The following SLC15A2 variants were observed in gnomAD, a reference collection of about 807,000 sequenced individuals.
SLC15A2 encodes solute carrier family 15 member 2.
Under a neutral mutation model 95.5 loss-of-function variants are expected in SLC15A2, and 77 were observed. The ratio of observed to expected loss-of-function variants is 0.81; its 90% confidence interval spans 0.67 to 0.97. SLC15A2 has a LOEUF of 0.97. Ranked by LOEUF, SLC15A2 falls within the 50% of genes least tolerant of loss-of-function variation. The pLI is 0.00. For missense variants in SLC15A2, 893 were observed against 874.4 expected, an observed-to-expected ratio of 1.02 and a Z score of -0.27; for synonymous variants, 306 against 306.9, an observed-to-expected ratio of 1.00 and a Z score of 0.03.
At chr3:121,912,977 C>T (rs1709804005) in intron 4 of SLC15A2, 44 bp from the exon 5 acceptor site, 1 of 1,375,776 alleles carries the variant, frequency 7.3e-7, no homozygotes, top group Non-Finnish European at 1.0e-6. Flanking sequence ...TCTACAGGTG[C>T]ATTTAGTATC....
chr3:121,912,961 T>G, intron 4 of SLC15A2, 60 bp from the exon 5 acceptor site: 1 of 1,194,356 alleles, frequency 8.4e-7, no homozygotes, highest in Non-Finnish European at 1.2e-6. Context: ...AGCTCTGTAG[T>G]CCATCTCTAC....
intron 7 of SLC15A2, among the ~76,000 whole-genome samples, chr3:121,921,059 GA>G (rs1375735291): frequency 6.6e-6 from 1 of 152,156 alleles, no homozygotes; most frequent in Non-Finnish European, 1.5e-5. Context: ...AAAATAAAAG[GA>G]AAATTAAAGA....
intron 3 of SLC15A2, among the ~76,000 whole-genome samples, chr3:121,898,849 G>A (rs912290752): frequency 6.6e-6 from 1 of 152,072 alleles, no homozygotes; most frequent in Non-Finnish European, 1.5e-5. Context: ...TACTTTGGCC[G>A]ATATATGTTC....
chr3:121,917,319 A>G (rs1001861482), intron 7 of SLC15A2, among the ~76,000 whole-genome samples: 1 of 152,222 alleles, frequency 6.6e-6, no homozygotes, highest in Non-Finnish European at 1.5e-5. Flanking sequence ...TATGATCAGT[A>G]TTTCCCAGAT....
chr3:121,906,258 A>T (rs979338146), intron 3 of SLC15A2, among the ~76,000 whole-genome samples: 2 of 152,184 alleles, frequency 1.3e-5, no homozygotes, highest in Admixed American at 1.3e-4. Context: ...GTGTCTCTGC[A>T]CATGAGATGG....
chr3:121,927,685 T>C, intron 13 of SLC15A2, 73 bp from the exon 14 acceptor site: 3 of 1,085,402 alleles, frequency 2.8e-6, no homozygotes, highest in Non-Finnish European at 4.3e-6. Context: ...TCTTTAATAA[T>C]AGGCTACAGA....
Position 121,929,016 on chromosome 3 carries a change from CAA to C in SLC15A2, c.1380_1381del (p.Ser461ProfsTer17). The C allele has an allele frequency of 6.2e-7, 1 of 1,614,010 alleles. No homozygotes were observed. Among genetic ancestry groups the C allele is most frequent in the Non-Finnish European group, 8.5e-7 (1 of 1,179,940 alleles). Reference sequence around the variant, plus strand: ...CACTATTCCAAACTGCACCTGAAAACAAAAAGCCAGGATTTTCACTTCCACCT... The same window carrying C: ...CACTATTCCAAACTGCACCTGAAAACAAAGCCAGGATTTTCACTTCCACCT... On this transcript the variant is annotated frameshift_variant, in exon 16 of 22. Transcript: ENST00000489711. LOFTEE classifies it high-confidence loss of function.
chr3:121,939,830 G>A (rs1457072309), intron 20 of SLC15A2, among the ~76,000 whole-genome samples: 2 of 151,952 alleles, frequency 1.3e-5, no homozygotes, highest in Non-Finnish European at 2.9e-5. Flanking sequence ...CCAGGCTGGA[G>A]TGCAGTGGCG....
Position 121,939,492 on chromosome 3 carries a change from T to C in SLC15A2, c.1905T>C (p.Ser635=). The C allele has an allele frequency of 6.7e-7, 1 of 1,496,544 alleles. No individual in the cohort carries two copies. The highest frequency in any genetic ancestry group is 1.4e-5 in the South Asian group (1 of 73,142). 92.7% of individuals were successfully genotyped at this position (1,496,544 alleles called of 1,614,324 possible). A position where few individuals can be genotyped will look rare whatever the true frequency, so the allele number is the denominator to read the frequency against. The change falls in exon 20 of 22, where the codon TCT becomes TCC. Residue 635 remains serine, a synonymous_variant. Coordinates refer to ENST00000489711, the MANE Select transcript of SLC15A2 (RefSeq NM_021082.4). Reference sequence around the variant, plus strand: ...TCACAGGTCTTGAGTTTTCTTATTCTCAGGTAAGTTTTTGCAAATAGAAGG... The same window carrying C: ...TCACAGGTCTTGAGTTTTCTTATTCCCAGGTAAGTTTTTGCAAATAGAAGG... The part of the protein sequence containing the change: ...FSVTGLEFSY[S]QAPSSMKSVL...
intron 7 of SLC15A2, among the ~76,000 whole-genome samples, chr3:121,917,805 A>G (rs1709925785): frequency 6.6e-6 from 1 of 152,204 alleles, no homozygotes; most frequent in South Asian, 2.1e-4. Flanking sequence ...GCAATTAATC[A>G]ATAAAGAAAT....
intron 19 of SLC15A2, among the ~76,000 whole-genome samples, chr3:121,933,282 T>C (rs1273151247): frequency 1.3e-5 from 2 of 151,790 alleles, no homozygotes; most frequent in Non-Finnish European, 2.9e-5. Context: ...AACCCAGTAA[T>C]GGGATGGCTG....
rs1710479227 is a variant in SLC15A2, at chr3:121,942,439, A to G, written c.*1432A>G. 1 of 152,238 alleles carries G rather than the reference A, an allele frequency of 6.6e-6. No homozygotes were observed. The highest frequency in any genetic ancestry group is 1.9e-4 in the East Asian group (1 of 5,202). The allele number at this position is 152,238 out of a possible 1,614,324, so 9.4% of individuals were successfully genotyped here. A position where few individuals can be genotyped will look rare whatever the true frequency, so the allele number is the denominator to read the frequency against. Reference sequence around the variant, plus strand: ...TGTTGGGTCTCATACTGTTAATGTTAATACGTAACAATGTTCATGTTAACA... The same window carrying G: ...TGTTGGGTCTCATACTGTTAATGTTGATACGTAACAATGTTCATGTTAACA... On this transcript the variant is annotated 3_prime_UTR_variant, in exon 22 of 22. Coordinates refer to ENST00000489711, the MANE Select transcript of SLC15A2 (RefSeq NM_021082.4).
rs755833490 is a variant in SLC15A2, at chr3:121,924,319, A to G, written c.1003-32A>G. 6.2e-6 allele frequency: 10 copies of G among 1,600,122 alleles called. No homozygotes were observed. The East Asian group carries it at 1.6e-4, about 25-fold the overall frequency. The stretch of plus-strand genomic sequence containing the variant: ...ACATTTTTTTTTCTTTTCTTCAGAC[A>G]TCAACTAAATTAATTTGTTAAAATG... On this transcript the variant is annotated intron_variant, in intron 11 of 21. Transcript: ENST00000489711.
At chr3:121,939,138 A>G (rs1710410420) in intron 19 of SLC15A2, 1 of 385,458 alleles carries the variant, frequency 2.6e-6, no homozygotes, top group East Asian at 3.8e-5. Context: ...GTCTCTGTCA[A>G]TAATGATATC....
At chr3:121,921,086 C>A (rs1381258703) in intron 7 of SLC15A2, among the ~76,000 whole-genome samples, 1 of 152,102 alleles carries the variant, frequency 6.6e-6, no homozygotes, top group Non-Finnish European at 1.5e-5. Flanking sequence ...AATTCCCTTA[C>A]AATTAGCTGT....
Position 121,894,501 on chromosome 3 carries a change from T to C in SLC15A2, c.25T>C (p.Ser9Pro). The C allele has an allele frequency of 6.2e-7, 1 of 1,612,584 alleles. No individual in the cohort carries two copies. The highest frequency in any genetic ancestry group is 2.2e-5 in the East Asian group (1 of 44,700). Residue 9 changes from serine to proline, a missense_variant, in exon 1 of 22, where the codon TCC becomes CCC. Ser to Pro is a moderately conservative substitution (Grantham distance 74). Coordinates refer to ENST00000489711, the MANE Select transcript of SLC15A2 (RefSeq NM_021082.4). ...CATGAATCCTTTCCAGAAAAATGAG[T>C]CCAAGGAAACTCTTTTTTCACCTGT... MNPFQKNE[S>P]KETLFSPVSI... is the part of the protein sequence containing the mutation.
Position 121,922,871 on chromosome 3 carries a change from A to G in SLC15A2, c.867+10A>G. On this transcript the variant is annotated intron_variant, in intron 9 of 21. Transcript: ENST00000489711. ...GGCTGAGAAATATCCAGTAAGTTGG[A>G]AATGCAGAAACATCTTATGGCTTGA... 1 of 1,609,498 alleles carries G rather than the reference A, an allele frequency of 6.2e-7. No homozygotes were observed. The highest frequency in any genetic ancestry group is 1.1e-5 in the South Asian group (1 of 90,970).
At position 121,928,434 on chromosome 3, in the gene SLC15A2, C is replaced by T. The variant is rs1237317903; in HGVS notation, c.1220C>T (p.Ala407Val). 1 of 1,613,806 alleles carries T rather than the reference C, an allele frequency of 6.2e-7. No individual in the cohort carries two copies. The change falls in exon 15 of 22, where the codon GCC (alanine) becomes GTC (valine). Residue 407 changes from alanine to valine, a missense_variant. Ala to Val is a moderately conservative substitution (Grantham distance 64). Transcript: ENST00000489711. ...VEIKINEMAP[A>V]QPGPQEVFLQ... ...CTTTGCTCTAAGGAAATGGCCCCAG[C>T]CCAGCCAGGTCCCCAGGAGGTTTTC...
chr3:121,935,688 A>T (rs1418830268), intron 19 of SLC15A2, among the ~76,000 whole-genome samples: 1 of 151,692 alleles, frequency 6.6e-6, no homozygotes, highest in Admixed American at 6.6e-5. Context: ...GCAGTCTATC[A>T]ATTTTGTTGA....
Sources: gnomAD v4.1 joint callset for allele counts (sites outside exome capture counted in the v4.1 genomes callset) on GRCh38, gnomAD v4.1.1 for gene constraint, MANE v1.5 for transcripts, NCBI Gene and HGNC (gene_info 2026-07-23, HGNC 2026-07-21) for gene names.